RHCG: variants seen among roughly 807,000 people sequenced by gnomAD.
RHCG encodes the protein ammonium transporter Rh type C.
A neutral mutation model predicts 55.3 loss-of-function variants in RHCG; 39 were observed. That is an observed-to-expected ratio of 0.70 (90% confidence interval 0.55 to 0.92). The LOEUF is 0.92. Among genes scored for constraint, RHCG ranks in the 40% least tolerant of loss-of-function variants. The pLI, the probability that RHCG is intolerant of heterozygous loss-of-function variation, is 0.00. For synonymous variants in RHCG, 250 were observed against 246.8 expected (o/e 1.01, Z -0.12); for missense variants, 635 against 627.9 (o/e 1.01, Z -0.12).
At chr15:89,493,172 C>T (rs552430403) in intron 1 of RHCG, among the ~76,000 whole-genome samples, 12 of 152,186 alleles carry the variant, frequency 7.9e-5, no homozygotes, top group African/African-American at 2.9e-4. Flanking sequence ...GAGCTTCCTC[C>T]GCCCTGGGTC....
chr15:89,479,547 C>G, intron 4 of RHCG, 59 bp from the exon 5 acceptor site: 1 of 1,466,888 alleles, frequency 6.8e-7, no homozygotes, highest in South Asian at 1.3e-5. Flanking sequence ...TACAGCCCCA[C>G]AGCTCAGGCA....
At position 89,476,018 on chromosome 15, in the gene RHCG, T is replaced by C. The variant is rs1242274171; in HGVS notation, c.1311+737A>G. On this transcript the variant is annotated intron_variant, in intron 9 of 10. Transcript: ENST00000268122. ...CTCTCTCTCTCTTGCTCTCGCTCTC[T>C]CTCTCTCTCTCTCATTCTCTTCTCC... 2.0e-5 allele frequency among the ~76,000 whole-genome samples: 3 copies of C among 151,788 alleles called. No homozygotes were observed. The South Asian group carries it at 6.2e-4, about 32-fold the overall frequency.
At chr15:89,496,100 G>C (rs1316718855) in intron 1 of RHCG, among the ~76,000 whole-genome samples, 1 of 152,202 alleles carries the variant, frequency 6.6e-6, no homozygotes, top group African/African-American at 2.4e-5. Flanking sequence ...TCTCTGACAG[G>C]GATGTTGGGG....
chr15:89,495,334 G>A (rs1362124948), intron 1 of RHCG, among the ~76,000 whole-genome samples: 1 of 152,204 alleles, frequency 6.6e-6, no homozygotes, highest in East Asian at 1.9e-4. Flanking sequence ...TGCCGAGAAT[G>A]TCTAAGGTGT....
In RHCG at chr15:89,477,429, T is replaced by C. The variant is rs1961172227; in HGVS notation, c.1112+88A>G. The C allele has an allele frequency of 6.5e-7, 1 of 1,543,212 alleles. No individual in the cohort carries two copies. The highest frequency in any genetic ancestry group is 8.8e-7 in the Non-Finnish European group (1 of 1,137,280). ...GAGTGGGGAAGGAAAGGGAGAAAGA[T>C]GCAGTCGGGTCCCAGAGGAATAGCA... On this transcript the variant is annotated intron_variant, in intron 7 of 10. Transcript: ENST00000268122. The surrounding 1 kb of genome is among the most constrained non-coding windows in gnomAD (Gnocchi z 4.5).
At chr15:89,486,686 C>A in intron 2 of RHCG, 113 bp downstream of exon 2, 1 of 1,070,204 alleles carries the variant, frequency 9.3e-7, no homozygotes, top group Non-Finnish European at 1.4e-6. Flanking sequence ...AGGAGTTGCC[C>A]TCCAGCCTCA....
At chr15:89,481,251 A>C (rs141571904) in intron 3 of RHCG, among the ~76,000 whole-genome samples, 2,933 of 152,226 alleles carry the variant, frequency 0.019, 96 homozygotes, top group African/African-American at 0.066. Flanking sequence ...GGAGTTCAAG[A>C]CCAGCCTGGC....
rs772188222 is a variant in RHCG at position 89,483,064 on chromosome 15, C to T, written c.522+3G>A. ...CCTCATCCCCATTCTGAGCCCTGCTCACCTTTAGCAGGTTAAGGAGAATGA... is the reference window on the plus strand; with the variant it reads ...CCTCATCCCCATTCTGAGCCCTGCTTACCTTTAGCAGGTTAAGGAGAATGA... On this transcript the variant is annotated splice_donor_region_variant and intron_variant, in intron 3 of 10. Transcript: ENST00000268122. The T allele has an allele frequency of 4.9e-5, 77 of 1,569,326 alleles. 1 individual carries two copies. In the Admixed American group the frequency reaches 1.3e-3, roughly 26 times the overall value.
rs117762131 is a variant in RHCG, at chr15:89,473,480, G to C, written c.1312-617C>G. On this transcript the variant is annotated intron_variant, in intron 9 of 10. Coordinates refer to ENST00000268122, the MANE Select transcript of RHCG (RefSeq NM_016321.3). Reference sequence around the variant, plus strand: ...TCAGGGCCTCAGGGACTGCCTGATAGTGTTCCTTCCATTGGCACAGAATTT... The same window carrying C: ...TCAGGGCCTCAGGGACTGCCTGATACTGTTCCTTCCATTGGCACAGAATTT... Among the ~76,000 whole-genome samples, 71 of 152,312 alleles carry C rather than the reference G, an allele frequency of 4.7e-4. 1 individual carries two copies. In the East Asian group the frequency reaches 0.013, roughly 28 times the overall value.
intron 5 of RHCG, among the ~76,000 whole-genome samples, chr15:89,478,854 G>C (rs1347665484): frequency 1.3e-5 from 2 of 152,180 alleles, no homozygotes; most frequent in Non-Finnish European, 2.9e-5. Context: ...ACTTTGGGAG[G>C]CTGAGGTGGG....
At chr15:89,486,691 G>C in intron 2 of RHCG, 108 bp downstream of exon 2, 1 of 1,058,688 alleles carries the variant, frequency 9.4e-7, no homozygotes, top group Non-Finnish European at 1.3e-6. Context: ...TTGCCCTCCA[G>C]CCTCAAGCCC....
At chr15:89,489,714 A>G (rs1596408411) in intron 1 of RHCG, among the ~76,000 whole-genome samples, 1 of 151,994 alleles carries the variant, frequency 6.6e-6, no homozygotes, top group Admixed American at 6.6e-5. Context: ...GCCACTTGGG[A>G]TGCTGTTCCT....
chr15:89,479,277 A>G (rs781033028), intron 5 of RHCG, 45 bp downstream of exon 5: 1 of 1,582,598 alleles, frequency 6.3e-7, no homozygotes, highest in South Asian at 1.2e-5. Flanking sequence ...AGCGCCCTCC[A>G]GGCCCAGGCA....
In RHCG at chr15:89,475,403, C is replaced by T. The variant is rs28708922; in HGVS notation, c.1311+1352G>A. The stretch of plus-strand genomic sequence containing the variant: ...GATTATAGGCATGAGACACTGAGCC[C>T]GGCTAATTTTTTTTGTATTTTTAGT... On this transcript the variant is annotated intron_variant, in intron 9 of 10. Coordinates refer to ENST00000268122, the MANE Select transcript of RHCG (RefSeq NM_016321.3). Among the ~76,000 whole-genome samples the T allele has an allele frequency of 8.7e-3, 1,322 of 152,200 alleles. 16 individuals carry two copies. Among genetic ancestry groups the T allele is most frequent in the African/African-American group, 0.029 (1,215 of 41,512 alleles).
chr15:89,491,459 T>C (rs1193232346), intron 1 of RHCG, among the ~76,000 whole-genome samples: 1 of 152,202 alleles, frequency 6.6e-6, no homozygotes, highest in Admixed American at 6.5e-5. Flanking sequence ...TTTCATAAAG[T>C]ATGATGCTAC....
intron 1 of RHCG, among the ~76,000 whole-genome samples, chr15:89,489,635 C>T (rs1171979915): frequency 6.6e-6 from 1 of 152,180 alleles, no homozygotes; most frequent in Non-Finnish European, 1.5e-5. Flanking sequence ...TCCCCCGGTG[C>T]TCCAGCTGCT....
At position 89,491,259 on chromosome 15, in the gene RHCG, G is replaced by A. The variant is rs567221124; in HGVS notation, c.185-4274C>T. Among the ~76,000 whole-genome samples the A allele has an allele frequency of 8.5e-5, 13 of 152,170 alleles. No homozygotes were observed. The East Asian group carries it at 2.3e-3, about 27-fold the overall frequency. ...TCACCCTGCTCTTCTCCCTGCTCTG[G>A]TGGGTGCCCTGTCTCTCCTTTTCAC... On this transcript the variant is annotated intron_variant, in intron 1 of 10. Coordinates refer to ENST00000268122, the MANE Select transcript of RHCG (RefSeq NM_016321.3).
chr15:89,493,699 G>A (rs532458968), intron 1 of RHCG, among the ~76,000 whole-genome samples: 3 of 152,290 alleles, frequency 2.0e-5, no homozygotes, highest in South Asian at 2.1e-4. Flanking sequence ...CCACAGCCAC[G>A]GTGAGTGGAG....
rs1596404291 is a variant in RHCG at position 89,480,537 on chromosome 15, A to G, written c.523-129T>C. 2.3e-5 allele frequency: 25 copies of G among 1,108,878 alleles called. No homozygotes were observed. In the East Asian group the frequency reaches 6.1e-4, roughly 27 times the overall value. The allele number at this position is 1,108,878 out of a possible 1,614,324, so 68.7% of individuals were successfully genotyped here. A position where few individuals can be genotyped will look rare whatever the true frequency, so the allele number is the denominator to read the frequency against. On this transcript the variant is annotated intron_variant, in intron 3 of 10. Transcript: ENST00000268122. Reference sequence around the variant, plus strand: ...TCGGACTCTTCAGGGTGCAGGATGGAGCCTGGGGCCTTCACGGACCAATCA... The same window carrying G: ...TCGGACTCTTCAGGGTGCAGGATGGGGCCTGGGGCCTTCACGGACCAATCA...
Sources: allele counts gnomAD v4.1 joint callset (sites outside exome capture counted in the v4.1 genomes callset), GRCh38; gene constraint gnomAD v4.1.1; non-coding constraint Gnocchi (gnomAD v3.1); transcripts MANE v1.5; gene names NCBI Gene and HGNC (gene_info 2026-07-23, HGNC 2026-07-21).